PRSS23: variants seen among roughly 807,000 people sequenced by gnomAD.
The protein encoded by PRSS23 is protease, serine 23.
In PRSS23, 25 loss-of-function variants were observed where a neutral mutation model predicts 34.7. The ratio of observed to expected loss-of-function variants is 0.72; its 90% CI spans 0.53 to 1.01. PRSS23 has a LOEUF of 1.01. Among genes scored for constraint, PRSS23 ranks in the 50% least tolerant of loss-of-function variants. The pLI is 0.00. For missense variants in PRSS23, 445 were observed against 475.6 expected (o/e 0.94, Z 0.60); for synonymous variants, 176 against 186.6 (o/e 0.94, Z 0.46).
At chr11:86,820,031 C>T (rs1948241653) in intron 1 of PRSS23, among the ~76,000 whole-genome samples, 1 of 152,180 alleles carries the variant, frequency 6.6e-6, no homozygotes, top group African/African-American at 2.4e-5. Context: ...AAATGTATAA[C>T]TATTCATCAA....
At chr11:86,868,901 T>A (rs1948667582) in intron 2 of PRSS23, among the ~76,000 whole-genome samples, 1 of 152,090 alleles carries the variant, frequency 6.6e-6, no homozygotes, top group African/African-American at 2.4e-5. Context: ...AGCCTCAACC[T>A]CCCAGGCTCA....
At chr11:86,857,278 C>A in intron 2 of PRSS23, 1 of 652,684 alleles carries the variant, frequency 1.5e-6, no homozygotes, top group Non-Finnish European at 2.0e-6. Flanking sequence ...CAGGTGAGAG[C>A]CACAGGTGGA....
chr11:86,939,019 G>A (rs905070294), intron 2 of PRSS23: 3 of 450,552 alleles, frequency 6.7e-6, no homozygotes, highest in African/African-American at 6.0e-5. Context: ...TTCCTCTGCA[G>A]AGCTTCACAT....
chr11:86,915,288 C>G (rs536788465), intron 2 of PRSS23, among the ~76,000 whole-genome samples: 2 of 152,080 alleles, frequency 1.3e-5, no homozygotes, highest in African/African-American at 4.8e-5. Flanking sequence ...GGTTAGGGAG[C>G]ACCAGGCACA....
intron 2 of PRSS23, chr11:86,833,273 G>A (rs1375158615): frequency 1.7e-5 from 26 of 1,573,820 alleles, no homozygotes; most frequent in Non-Finnish European, 2.3e-5. Context: ...AGGTTGGAGA[G>A]GAAGAAGTAC....
chr11:86,951,639 G>C, exon 3 of PRSS23: 4 of 1,614,172 alleles, frequency 2.5e-6, no homozygotes, highest in South Asian at 2.2e-5. Context: ...AAGCCAGTCA[G>C]TTCATCTGCA....
intron 2 of PRSS23, among the ~76,000 whole-genome samples, chr11:86,823,794 C>T (rs1309154814): frequency 6.6e-6 from 1 of 151,918 alleles, no homozygotes; most frequent in Non-Finnish European, 1.5e-5. Flanking sequence ...ATCACGAGGT[C>T]AGGAGATCGA....
rs563134101 is a variant in PRSS23 at position 86,850,882 on chromosome 11, C to T, written c.206+27289C>T. On this transcript the variant is annotated intron_variant, in intron 2 of 2. Transcript: ENST00000533902. Reference sequence around the variant, plus strand: ...AAAATAATTTACTGCCTTTGTTTCTCGCTCTGGTAACATCTTCCTACCACA... The same window carrying T: ...AAAATAATTTACTGCCTTTGTTTCTTGCTCTGGTAACATCTTCCTACCACA... 5.3e-5 allele frequency among the ~76,000 whole-genome samples: 8 copies of T among 152,344 alleles called. No individual in the cohort carries two copies. In the East Asian group the frequency reaches 1.4e-3, roughly 26 times the overall value.
chr11:86,808,169 T>C lies in PRSS23; in HGVS notation c.526T>C (p.Cys176Arg). 1 of 1,614,168 alleles carries C rather than the reference T, an allele frequency of 6.2e-7. No homozygotes were observed. Among genetic ancestry groups the C allele is most frequent in the Non-Finnish European group, 8.5e-7 (1 of 1,180,026 alleles). ...GAAGCATGTCCTCACAGCTGCCCAC[T>C]GCATACACGATGGAAAAACCTATGT... ...AEKHVLTAAH[C>R]IHDGKTYVKG... is the part of the protein sequence containing the mutation. The change falls in exon 2 of 2, where the codon TGC becomes CGC. Residue 176 changes from cysteine to arginine, a missense_variant. Coordinates refer to ENST00000280258, the MANE Select transcript of PRSS23 (RefSeq NM_007173.6).
chr11:86,902,462 C>CT (rs1483834761), intron 2 of PRSS23, among the ~76,000 whole-genome samples: 1 of 152,200 alleles, frequency 6.6e-6, no homozygotes, highest in African/African-American at 2.4e-5. Context: ...GCTTCGGCCA[C>CT]TTCAGGTGTA....
intron 2 of PRSS23, among the ~76,000 whole-genome samples, chr11:86,844,948 C>A (rs1440474584): frequency 6.6e-6 from 1 of 151,986 alleles, no homozygotes; most frequent in Non-Finnish European, 1.5e-5. Flanking sequence ...AATTAGCTGG[C>A]CATAGTGGTG....
intron 2 of PRSS23, chr11:86,946,615 T>C (rs1348946126): frequency 2.0e-5 from 3 of 152,534 alleles, no homozygotes; most frequent in Admixed American, 6.5e-5. Context: ...GAAAGCTCTA[T>C]GTAGGCTAGA....
At chr11:86,912,880 TC>T (rs1326194468) in intron 2 of PRSS23, among the ~76,000 whole-genome samples, 1 of 152,222 alleles carries the variant, frequency 6.6e-6, no homozygotes, top group African/African-American at 2.4e-5. Flanking sequence ...AAGGACTCTG[TC>T]TTTTGTTACA....
At chr11:86,874,756 A>G (rs1203496196) in intron 2 of PRSS23, among the ~76,000 whole-genome samples, 3 of 152,196 alleles carry the variant, frequency 2.0e-5, no homozygotes, top group Admixed American at 6.5e-5. Context: ...GGGATATTTT[A>G]TAGGGAGGAT....
intron 2 of PRSS23, among the ~76,000 whole-genome samples, chr11:86,941,240 T>C (rs1949205269): frequency 6.6e-6 from 1 of 152,192 alleles, no homozygotes; most frequent in Non-Finnish European, 1.5e-5. Flanking sequence ...CCCATTACAC[T>C]GGGTACTCAG....
chr11:86,847,958 CT>C (rs1590892308), intron 2 of PRSS23, among the ~76,000 whole-genome samples: 1 of 152,164 alleles, frequency 6.6e-6, no homozygotes, highest in East Asian at 1.9e-4. Flanking sequence ...CTCAGCCCCA[CT>C]CTCCTCCTGC....
chr11:86,847,117 T>G (rs1948492178), intron 2 of PRSS23, among the ~76,000 whole-genome samples: 1 of 152,038 alleles, frequency 6.6e-6, no homozygotes, highest in Non-Finnish European at 1.5e-5. Context: ...AGAGGGGGGC[T>G]TACTCTTTTG....
chr11:86,939,403 A>AAAT (rs60997928), intron 2 of PRSS23, among the ~76,000 whole-genome samples: 3 of 80,550 alleles, frequency 3.7e-5, no homozygotes, highest in Non-Finnish European at 8.6e-5. Flanking sequence ...TAAAAAAAAA[A>AAAT]ATATATATAT....
intron 2 of PRSS23, chr11:86,951,006 TG>T: frequency 2.2e-6 from 2 of 926,874 alleles, no homozygotes; most frequent in Non-Finnish European, 3.5e-6. Context: ...TGGGAGGCAG[TG>T]GGTTGACGGG....
Sources: gnomAD v4.1 joint callset for allele counts (sites outside exome capture counted in the v4.1 genomes callset) on GRCh38, gnomAD v4.1.1 for gene constraint, MANE v1.5 for transcripts, NCBI Gene and HGNC (gene_info 2026-07-23, HGNC 2026-07-21) for gene names.